Variants in SPON1 observed in about 807,000 individuals in gnomAD.
SPON1 encodes spondin-1.
Under a neutral mutation model 111.7 loss-of-function variants are expected in SPON1, and 52 were observed. The observed-to-expected ratio is 0.47, with a 90% CI of 0.37 to 0.59. SPON1 has a LOEUF of 0.59. Among genes scored for constraint, SPON1 ranks in the 20% least tolerant of loss-of-function variants. SPON1 has a pLI of 0.00. For synonymous variants in SPON1, 410 were observed against 395.8 expected, an observed-to-expected ratio of 1.04 and a Z score of -0.43; for missense variants, 957 against 1,068.5, an observed-to-expected ratio of 0.90 and a Z score of 1.46.
rs1184295880 is a variant in SPON1 at position 14,259,155 on chromosome 11, G to T, written c.1493-125G>T. The T allele has an allele frequency of 1.5e-5, 15 of 1,020,918 alleles. No individual in the cohort carries two copies. The Admixed American group carries it at 4.2e-4, about 28-fold the overall frequency. The allele number at this position is 1,020,918 out of a possible 1,614,324, so 63.2% of individuals were successfully genotyped here. On this transcript the variant is annotated intron_variant, in intron 11 of 15. Transcript: ENST00000576479. The surrounding 1 kb of genome is among the most constrained non-coding windows in gnomAD (Gnocchi z 5.0). ...CCAGTTTAAGGATTTAGACCTCTTA[G>T]GTGTGCAGACAACCTCAACTGCCTG...
intron 6 of SPON1, among the ~76,000 whole-genome samples, chr11:14,229,584 A>G (rs1848773573): frequency 6.6e-6 from 1 of 152,128 alleles, no homozygotes; most frequent in Admixed American, 6.5e-5. Context: ...TTTAACCTCC[A>G]TGCACTGTGA....
intron 2 of SPON1, among the ~76,000 whole-genome samples, chr11:14,030,944 T>C (rs1018544022): frequency 9.9e-5 from 15 of 152,240 alleles, no homozygotes; most frequent in African/African-American, 3.4e-4. Flanking sequence ...AGCAACGACA[T>C]GGCATCAACT....
At chr11:14,233,006 T>TTA (rs1848819789) in intron 6 of SPON1, among the ~76,000 whole-genome samples, 1 of 151,900 alleles carries the variant, frequency 6.6e-6, no homozygotes, top group Non-Finnish European at 1.5e-5. Flanking sequence ...TCTCTGGCCA[T>TTA]TATACCTTAG....
rs544473898 is a variant in SPON1 at position 14,266,471 on chromosome 11, C to A, written c.*784C>A. ...ACAATTCTTCTGGGAAGCCAGCCTTCTGAACTTTTTGGTACTAAATCCTTA... is the reference window on the plus strand; with the variant it reads ...ACAATTCTTCTGGGAAGCCAGCCTTATGAACTTTTTGGTACTAAATCCTTA... On this transcript the variant is annotated 3_prime_UTR_variant, in exon 16 of 16. Coordinates refer to ENST00000576479, the MANE Select transcript of SPON1 (RefSeq NM_006108.4). 1 of 152,134 alleles carries A rather than the reference C, an allele frequency of 6.6e-6. No individual in the cohort carries two copies. The highest frequency in any genetic ancestry group is 1.9e-4 in the East Asian group (1 of 5,186). 9.4% of individuals were successfully genotyped at this position (152,134 alleles called of 1,614,324 possible).
At chr11:14,067,580 T>C (rs1430517889) in intron 3 of SPON1, among the ~76,000 whole-genome samples, 1 of 152,186 alleles carries the variant, frequency 6.6e-6, no homozygotes, top group Non-Finnish European at 1.5e-5. Context: ...TTTTCTTACC[T>C]GGGAAGCAAA....
At chr11:14,123,916 G>A (rs571549448) in intron 5 of SPON1, among the ~76,000 whole-genome samples, 16 of 152,272 alleles carry the variant, frequency 1.1e-4, no homozygotes, top group South Asian at 2.1e-4. Context: ...TCCAACATCC[G>A]AAAACTGGTG....
At chr11:14,170,522 C>T (rs1320068644) in intron 6 of SPON1, among the ~76,000 whole-genome samples, 11 of 152,094 alleles carry the variant, frequency 7.2e-5, no homozygotes, top group African/African-American at 2.7e-4. Flanking sequence ...GCCAGAGCTT[C>T]CAACACTATG....
rs1207413977 is a variant in SPON1, at chr11:14,266,827, T to C, written c.*1140T>C. ...CAATTCTGGTGGAAAGTCAAACCTGTCAGTGCTCCACACCAGGGCTGTGGT... is the reference window on the plus strand; with the variant it reads ...CAATTCTGGTGGAAAGTCAAACCTGCCAGTGCTCCACACCAGGGCTGTGGT... On this transcript the variant is annotated 3_prime_UTR_variant, in exon 16 of 16. Transcript: ENST00000576479. 1 of 152,224 alleles carries C rather than the reference T, an allele frequency of 6.6e-6. No individual in the cohort carries two copies. The highest frequency in any genetic ancestry group is 2.4e-5 in the African/African-American group (1 of 41,528). The allele number at this position is 152,224 out of a possible 1,614,324, so 9.4% of individuals were successfully genotyped here.
intron 6 of SPON1, among the ~76,000 whole-genome samples, chr11:14,235,821 C>T (rs1263747917): frequency 6.6e-6 from 1 of 151,876 alleles, no homozygotes; most frequent in African/African-American, 2.4e-5. Flanking sequence ...CCATGGACAT[C>T]AAAGTCCTCA....
chr11:14,197,412 C>G (rs1554935191), intron 6 of SPON1, among the ~76,000 whole-genome samples: 1 of 151,930 alleles, frequency 6.6e-6, no homozygotes, highest in Non-Finnish European at 1.5e-5. Flanking sequence ...GTATTGACTG[C>G]AGCATCTGGG....
intron 5 of SPON1, among the ~76,000 whole-genome samples, chr11:14,118,021 G>T (rs1443032008): frequency 6.6e-6 from 1 of 152,140 alleles, no homozygotes; most frequent in African/African-American, 2.4e-5. Context: ...AAATACAGAA[G>T]AGCATTGGCT....
At chr11:14,110,548 G>A (rs1430703709) in intron 5 of SPON1, among the ~76,000 whole-genome samples, 3 of 152,298 alleles carry the variant, frequency 2.0e-5, no homozygotes, top group East Asian at 3.9e-4. Flanking sequence ...GCTGGGAAAA[G>A]AGAGAAGCTG....
At chr11:14,108,917 C>G (rs1427287180) in intron 5 of SPON1, among the ~76,000 whole-genome samples, 1 of 152,076 alleles carries the variant, frequency 6.6e-6, no homozygotes, top group Non-Finnish European at 1.5e-5. Context: ...TGGGATCTCT[C>G]TCTATGTATC....
intron 6 of SPON1, among the ~76,000 whole-genome samples, chr11:14,186,350 A>G (rs1848285131): frequency 6.6e-6 from 1 of 152,246 alleles, no homozygotes; most frequent in Non-Finnish European, 1.5e-5. Context: ...GAGGCTGTAT[A>G]GAAGAACAGA....
intron 3 of SPON1, among the ~76,000 whole-genome samples, chr11:14,073,956 C>A (rs1189070559): frequency 6.6e-6 from 1 of 152,176 alleles, no homozygotes; most frequent in Non-Finnish European, 1.5e-5. Context: ...GCCTGGGATA[C>A]TTCCCACTAA....
intron 2 of SPON1, among the ~76,000 whole-genome samples, chr11:14,000,746 C>T (rs1554912361): frequency 6.6e-6 from 1 of 152,114 alleles, no homozygotes; most frequent in East Asian, 1.9e-4. Flanking sequence ...CCACACACCC[C>T]CTGGCCCCTC....
rs111447742 is a variant in SPON1 at position 14,252,703 on chromosome 11, C to G, written c.891-1825C>G. 4.0e-5 allele frequency among the ~76,000 whole-genome samples: 6 copies of G among 151,474 alleles called. No individual in the cohort carries two copies. The South Asian group carries it at 8.4e-4, about 21-fold the overall frequency. ...GCCTCAGCTGAAGGCAAGACCTGCGCAGAGTGTGGGAATCCAGCGCTATGT... is the reference window on the plus strand; with the variant it reads ...GCCTCAGCTGAAGGCAAGACCTGCGGAGAGTGTGGGAATCCAGCGCTATGT... On this transcript the variant is annotated intron_variant, in intron 7 of 15. Coordinates refer to ENST00000576479, the MANE Select transcript of SPON1 (RefSeq NM_006108.4).
chr11:14,073,784 G>T (rs1848895775), intron 3 of SPON1, among the ~76,000 whole-genome samples: 1 of 152,178 alleles, frequency 6.6e-6, no homozygotes, highest in South Asian at 2.1e-4. Context: ...GGCCCCATCT[G>T]GCTTGTTTAT....
intron 2 of SPON1, among the ~76,000 whole-genome samples, chr11:14,026,033 G>A (rs61298159): frequency 0.027 from 4,059 of 152,250 alleles, 80 homozygotes; most frequent in South Asian, 0.084. Flanking sequence ...GCTTCCTCCT[G>A]TCATCCATCT....
Sources: allele counts gnomAD v4.1 joint callset (sites outside exome capture counted in the v4.1 genomes callset), GRCh38; gene constraint gnomAD v4.1.1; non-coding constraint Gnocchi (gnomAD v3.1); transcripts MANE v1.5; gene names NCBI Gene and HGNC (gene_info 2026-07-23, HGNC 2026-07-21).